Variants in AFF2 observed in about 807,000 individuals in gnomAD.
AFF2 encodes the protein AF4/FMR2 family member 2.
Under a neutral mutation model 76.9 loss-of-function variants are expected in AFF2, and 14 were observed. The observed-to-expected ratio is 0.18, with a 90% CI of 0.12 to 0.28. The LOEUF is 0.28. AFF2 is among the 10% of genes least tolerant of loss of function. The probability of loss-of-function intolerance (pLI) is 1.00; values close to 1 mark genes in which losing one functional copy is unlikely to be tolerated. For synonymous variants in AFF2, 398 were observed against 366.7 expected (o/e 1.09, Z -0.98); for missense variants, 868 against 1,001.1 (o/e 0.87, Z 1.79).
In AFF2 at chrX:148,991,424, C is replaced by T. The variant is rs782171398; in HGVS notation, c.*92C>T. ...TGGTGGAACTCCACTCACTGGGGAACGTTCTCTTTGGTTATGTTTGTTTTT... is the reference window on the plus strand; with the variant it reads ...TGGTGGAACTCCACTCACTGGGGAATGTTCTCTTTGGTTATGTTTGTTTTT... On this transcript the variant is annotated 3_prime_UTR_variant, in exon 21 of 21. Coordinates refer to ENST00000370460, the MANE Select transcript of AFF2 (RefSeq NM_002025.4). 1.4e-5 allele frequency: 14 copies of T among 976,199 alleles called. No homozygotes were observed. Among genetic ancestry groups the T allele is most frequent in the South Asian group, 1.4e-4 (4 of 28,018 alleles). 80.4% of individuals were successfully genotyped at this position (976,199 alleles called of 1,213,427 possible). A position where few individuals can be genotyped will look rare whatever the true frequency, so the allele number is the denominator to read the frequency against.
intron 3 of AFF2, among the ~76,000 whole-genome samples, chrX:148,803,699 C>G (rs1173977142): frequency 4.5e-5 from 5 of 111,815 alleles, no homozygotes; most frequent in African/African-American, 1.6e-4. Flanking sequence ...GTACTCTTCA[C>G]TTGAAATTCC....
chrX:148,788,937 C>T (rs1463309309), intron 3 of AFF2, among the ~76,000 whole-genome samples: 1 of 111,822 alleles, frequency 8.9e-6, no homozygotes, highest in Non-Finnish European at 1.9e-5. Flanking sequence ...CAACTCACTG[C>T]ATATTTTCAA....
chrX:148,675,415 G>A (rs988507345), intron 3 of AFF2, among the ~76,000 whole-genome samples: 1 of 111,556 alleles, frequency 9.0e-6, no homozygotes, highest in Non-Finnish European at 1.9e-5. Context: ...TATCATAGAA[G>A]AATGCTCCAA....
intron 3 of AFF2, among the ~76,000 whole-genome samples, chrX:148,729,341 G>A (rs1557264492): frequency 8.9e-6 from 1 of 111,816 alleles, no homozygotes; most frequent in Non-Finnish European, 1.9e-5. Context: ...GGAATGTAGA[G>A]AAAGGACATT....
At chrX:148,849,880 G>T (rs782510202) in intron 7 of AFF2, among the ~76,000 whole-genome samples, 1 of 112,056 alleles carries the variant, frequency 8.9e-6, no homozygotes, top group Non-Finnish European at 1.9e-5. Context: ...TTTGCAGTCA[G>T]GTGTGATCTT....
intron 7 of AFF2, among the ~76,000 whole-genome samples, chrX:148,884,910 A>C (rs146711844): frequency 8.8e-4 from 99 of 112,229 alleles, no homozygotes; most frequent in African/African-American, 3.1e-3. Flanking sequence ...CTAGCCCTGG[A>C]GCTGAGCCTG....
chrX:148,672,125 A>G (rs782207293), intron 3 of AFF2, among the ~76,000 whole-genome samples: 1 of 112,307 alleles, frequency 8.9e-6, no homozygotes, highest in South Asian at 3.7e-4. Flanking sequence ...TAGTAAATGC[A>G]AGGGGCTTTA....
chrX:148,560,913 T>G lies in AFF2; in HGVS notation c.47+59769T>G, dbSNP rs1259728823. 6.3e-5 allele frequency among the ~76,000 whole-genome samples: 7 copies of G among 111,798 alleles called. No homozygotes were observed. The Admixed American group carries it at 6.7e-4, about 11-fold the overall frequency. On this transcript the variant is annotated intron_variant, in intron 1 of 20. Coordinates refer to ENST00000370460, the MANE Select transcript of AFF2 (RefSeq NM_002025.4). ...TGGGGTTTTACCTGATTTTTCTCTG[T>G]ACCCCTCGCCACTTCAGTGTGAATG...
intron 20 of AFF2, among the ~76,000 whole-genome samples, chrX:148,990,533 C>A (rs929877058): frequency 8.9e-6 from 1 of 112,535 alleles, no homozygotes; most frequent in African/African-American, 3.2e-5. Flanking sequence ...ACTCCAGTCG[C>A]GCTAGTTAGT....
At chrX:148,544,420 C>CTT (rs1557237905) in intron 1 of AFF2, among the ~76,000 whole-genome samples, 1 of 110,950 alleles carries the variant, frequency 9.0e-6, no homozygotes, top group African/African-American at 3.3e-5. Flanking sequence ...CTTTCACTCT[C>CTT]TCTCTCTCTC....
At chrX:148,505,897 T>A (rs1477479728) in intron 1 of AFF2, among the ~76,000 whole-genome samples, 1 of 111,795 alleles carries the variant, frequency 8.9e-6, no homozygotes, top group Non-Finnish European at 1.9e-5. Context: ...TGGAAAGAAA[T>A]GTTACTGATT....
chrX:148,724,816 T>C (rs970568793), intron 3 of AFF2, among the ~76,000 whole-genome samples: 3 of 112,448 alleles, frequency 2.7e-5, no homozygotes, highest in Admixed American at 1.9e-4. Flanking sequence ...CTAAGCGCTT[T>C]AGTAGTAGTG....
At chrX:148,907,297 A>AC (rs1418831649) in intron 9 of AFF2, among the ~76,000 whole-genome samples, 2 of 112,226 alleles carry the variant, frequency 1.8e-5, no homozygotes, top group Non-Finnish European at 3.8e-5. Context: ...TCTTCCAGGA[A>AC]CCTAGCCTGC....
chrX:148,857,350 T>G (rs1253378115), intron 7 of AFF2, among the ~76,000 whole-genome samples: 1 of 111,679 alleles, frequency 9.0e-6, no homozygotes, highest in Non-Finnish European at 1.9e-5. Flanking sequence ...GACGAATCAT[T>G]TTTTCTTCCC....
chrX:148,731,365 C>A (rs956961050), intron 3 of AFF2, among the ~76,000 whole-genome samples: 2 of 111,926 alleles, frequency 1.8e-5, no homozygotes, highest in Admixed American at 1.9e-4. Context: ...CACTTGATAT[C>A]TGACTACAGG....
At chrX:148,627,667 T>C (rs1008806871) in intron 1 of AFF2, among the ~76,000 whole-genome samples, 1 of 111,807 alleles carries the variant, frequency 8.9e-6, no homozygotes, top group Admixed American at 9.5e-5. Context: ...CATAGATGGA[T>C]GAATTAGTGT....
At position 148,652,134 on chromosome X, in the gene AFF2, A is replaced by T; in HGVS notation, c.180+3A>T. 6 of 1,180,167 alleles carry T rather than the reference A, an allele frequency of 5.1e-6. No individual in the cohort carries two copies. The highest frequency in any genetic ancestry group is 6.9e-6 in the Non-Finnish European group (6 of 874,816). ...AGCCATACAAGGTAGCTGAATATGT[A>T]TGTAATTTTTCTTTCTGGAAAATGG... On this transcript the variant is annotated splice_donor_region_variant and intron_variant, in intron 2 of 20. Transcript: ENST00000370460.
At chrX:148,783,989 T>C (rs1184966389) in intron 3 of AFF2, among the ~76,000 whole-genome samples, 1 of 111,854 alleles carries the variant, frequency 8.9e-6, no homozygotes, top group Non-Finnish European at 1.9e-5. Context: ...CTCTCCTCCT[T>C]AGCTTTCTAT....
intron 4 of AFF2, among the ~76,000 whole-genome samples, chrX:148,825,834 G>C (rs1245122843): frequency 9.3e-6 from 1 of 107,594 alleles, no homozygotes; most frequent in African/African-American, 3.4e-5. Context: ...AGGCAGTGGT[G>C]GGGGTGGGAG....
Sources: allele counts gnomAD v4.1 joint callset (sites outside exome capture counted in the v4.1 genomes callset), GRCh38; gene constraint gnomAD v4.1.1; transcripts MANE v1.5; gene names NCBI Gene and HGNC (gene_info 2026-07-23, HGNC 2026-07-21).